The following ADARB2 variants were observed in gnomAD, a reference collection of about 807,000 sequenced individuals.
ADARB2 encodes inactive double-stranded RNA-specific editase B2.
A neutral mutation model predicts 62.2 loss-of-function variants in ADARB2; 25 were observed. The ratio of observed to expected loss-of-function variants is 0.40; its 90% CI spans 0.29 to 0.56. ADARB2 has a LOEUF of 0.56. Ranked by LOEUF, ADARB2 falls within the 20% of genes least tolerant of loss-of-function variation. ADARB2 has a pLI of 0.43. For synonymous variants in ADARB2, 572 were observed against 500.8 expected (o/e 1.14, Z -1.90); for missense variants, 1,071 against 1,077.4 (o/e 0.99, Z 0.08).
rs111473212 is a variant in ADARB2 at position 1,558,586 on chromosome 10, T to C, written c.100+178465A>G. On this transcript the variant is annotated intron_variant, in intron 1 of 9. Coordinates refer to ENST00000381312, the MANE Select transcript of ADARB2 (RefSeq NM_018702.4). Reference sequence around the variant, plus strand: ...AAATCTGCATCCCACCTCTGTCCCCTTCTGTGGGTGCTCAGCCCCTGCATG... The same window carrying C: ...AAATCTGCATCCCACCTCTGTCCCCCTCTGTGGGTGCTCAGCCCCTGCATG... Among the ~76,000 whole-genome samples, 14 of 64,680 alleles carry C rather than the reference T, an allele frequency of 2.2e-4. No individual in the cohort carries two copies. In the South Asian group the frequency reaches 2.7e-3, roughly 12 times the overall value. 42.4% of individuals were successfully genotyped at this position (64,680 alleles called of 152,430 possible). A position where few individuals can be genotyped will look rare whatever the true frequency, so the allele number is the denominator to read the frequency against.
intron 1 of ADARB2, among the ~76,000 whole-genome samples, chr10:1,402,411 G>A (rs1441694088): frequency 1.3e-5 from 2 of 152,146 alleles, no homozygotes; most frequent in African/African-American, 4.8e-5. Context: ...TAGAACAGAG[G>A]GAGTTTCACT....
chr10:1,370,343 G>A (rs1156832288), intron 2 of ADARB2, among the ~76,000 whole-genome samples: 1 of 152,180 alleles, frequency 6.6e-6, no homozygotes, highest in Non-Finnish European at 1.5e-5. Context: ...CACAGCCAAC[G>A]TCACACTTAA....
chr10:1,707,678 CT>C (rs1834905805), intron 1 of ADARB2, among the ~76,000 whole-genome samples: 1 of 152,188 alleles, frequency 6.6e-6, no homozygotes, highest in Admixed American at 6.5e-5. Flanking sequence ...ACAGGGATGC[CT>C]TCCTGGGCTT....
intron 1 of ADARB2, among the ~76,000 whole-genome samples, chr10:1,567,885 G>A (rs1008127332): frequency 1.3e-5 from 2 of 152,192 alleles, no homozygotes; most frequent in African/African-American, 2.4e-5. Flanking sequence ...GACAGGCCCG[G>A]GATCTGATCC....
intron 1 of ADARB2, among the ~76,000 whole-genome samples, chr10:1,694,173 G>C (rs11250735): frequency 0.091 from 13,795 of 152,216 alleles, 771 homozygotes; most frequent in African/African-American, 0.16. Context: ...TAATTCCAAA[G>C]AGTATTTCTC....
intron 3 of ADARB2, chr10:1,289,950 A>G (rs1026601175): frequency 6.6e-6 from 1 of 152,252 alleles, no homozygotes; most frequent in African/African-American, 2.4e-5. Context: ...CATACACGGC[A>G]TACATAGGCT....
chr10:1,547,000 A>G (rs1019915754), intron 1 of ADARB2, among the ~76,000 whole-genome samples: 6 of 152,242 alleles, frequency 3.9e-5, no homozygotes, highest in Non-Finnish European at 8.8e-5. Context: ...GGAACAGGTC[A>G]GTAAACACAG....
chr10:1,617,660 G>T (rs200603097), intron 1 of ADARB2, among the ~76,000 whole-genome samples: 1 of 143,682 alleles, frequency 7.0e-6, no homozygotes, highest in African/African-American at 2.6e-5. Flanking sequence ...AGATGTTTGT[G>T]TGCCCGTCCA....
chr10:1,711,036 G>A (rs2119151733), intron 1 of ADARB2, among the ~76,000 whole-genome samples: 1 of 152,294 alleles, frequency 6.6e-6, no homozygotes, highest in East Asian at 1.9e-4. Flanking sequence ...ATCAGCCAGT[G>A]ACGTGTGTTA....
At chr10:1,394,232 G>A (rs555891989) in intron 1 of ADARB2, among the ~76,000 whole-genome samples, 1 of 152,330 alleles carries the variant, frequency 6.6e-6, no homozygotes, top group South Asian at 2.1e-4. Flanking sequence ...TGATTGTTCT[G>A]TAAGATTTCT....
chr10:1,371,896 G>A (rs924191956), intron 2 of ADARB2, among the ~76,000 whole-genome samples: 5 of 56,918 alleles, frequency 8.8e-5, no homozygotes, highest in Non-Finnish European at 2.0e-4. Flanking sequence ...ATGGAAAACG[G>A]TACAGAGATT....
intron 5 of ADARB2, 74 bp from the exon 6 acceptor site, chr10:1,233,919 A>T: frequency 2.3e-6 from 3 of 1,289,022 alleles, no homozygotes; most frequent in Non-Finnish European, 2.1e-6. Flanking sequence ...TGAACGCTTG[A>T]GTCCTGTTTT....
chr10:1,234,291 C>G (rs932933736), intron 5 of ADARB2, among the ~76,000 whole-genome samples: 3 of 151,656 alleles, frequency 2.0e-5, no homozygotes, highest in Non-Finnish European at 4.4e-5. Context: ...GCCTGGCCCC[C>G]AAGTTTCTCC....
intron 1 of ADARB2, among the ~76,000 whole-genome samples, chr10:1,727,565 T>C (rs944011043): frequency 1.3e-5 from 2 of 152,224 alleles, no homozygotes; most frequent in East Asian, 3.9e-4. Flanking sequence ...GTAGAAAGAA[T>C]AGAAATGTTC....
rs544975012 is a variant in ADARB2 at position 1,671,518 on chromosome 10, A to G, written c.100+65533T>C. 1.7e-4 allele frequency among the ~76,000 whole-genome samples: 26 copies of G among 152,302 alleles called. 1 individual carries two copies. In the South Asian group the frequency reaches 5.2e-3, roughly 30 times the overall value. ...GTAACATGCATTTGCCTGCAGGCTC[A>G]GGGCACGTGGAAGGAGGTGTGAGAT... On this transcript the variant is annotated intron_variant, in intron 1 of 9. Transcript: ENST00000381312.
chr10:1,559,438 G>A (rs1163486022), intron 1 of ADARB2, among the ~76,000 whole-genome samples: 2 of 152,238 alleles, frequency 1.3e-5, no homozygotes, highest in African/African-American at 2.4e-5. Flanking sequence ...CCAGAGGCTG[G>A]TCCACTGGGT....
chr10:1,463,552 A>G (rs1412725459), intron 1 of ADARB2, among the ~76,000 whole-genome samples: 3 of 152,196 alleles, frequency 2.0e-5, no homozygotes, highest in African/African-American at 7.2e-5. Flanking sequence ...TAAATAAAAT[A>G]CCTTCATTTT....
chr10:1,344,843 G>A (rs371428007), intron 3 of ADARB2, among the ~76,000 whole-genome samples: 1 of 152,206 alleles, frequency 6.6e-6, no homozygotes, highest in African/African-American at 2.4e-5. Flanking sequence ...CCTCAGCCTG[G>A]CTGTGCTGGG....
intron 1 of ADARB2, among the ~76,000 whole-genome samples, chr10:1,713,385 G>T (rs1834976803): frequency 6.6e-6 from 1 of 152,196 alleles, no homozygotes; most frequent in African/African-American, 2.4e-5. Context: ...CATTAATCCG[G>T]GCAGTGCTGC....
Sources: allele counts gnomAD v4.1 joint callset (sites outside exome capture counted in the v4.1 genomes callset), GRCh38; gene constraint gnomAD v4.1.1; transcripts MANE v1.5; gene names NCBI Gene and HGNC (gene_info 2026-07-23, HGNC 2026-07-21).